CSMD1: variants seen among roughly 807,000 people sequenced by gnomAD.
The protein encoded by CSMD1 is CUB and sushi domain-containing protein 1.
A neutral mutation model predicts 417.5 loss-of-function variants in CSMD1; 213 were observed. The observed-to-expected ratio is 0.51, with a 90% CI of 0.46 to 0.57. CSMD1 has a LOEUF of 0.57. Ranked by LOEUF, CSMD1 falls within the 20% of genes least tolerant of loss-of-function variation. The pLI, the probability that CSMD1 is intolerant of heterozygous loss-of-function variation, is 0.00. For missense variants in CSMD1, 6,923 were observed against 4,529.7 expected (o/e 1.53, Z -15.17); for synonymous variants, 2,862 against 1,736.8 (o/e 1.65, Z -16.11).
chr8:3,522,260 A>G (rs1333812356), intron 10 of CSMD1, among the ~76,000 whole-genome samples: 1 of 152,226 alleles, frequency 6.6e-6, no homozygotes, highest in Non-Finnish European at 1.5e-5. Flanking sequence ...GAAAACAATA[A>G]TTTCCATTAA....
intron 10 of CSMD1, among the ~76,000 whole-genome samples, chr8:3,527,661 C>T (rs1180469578): frequency 2.0e-5 from 3 of 152,120 alleles, no homozygotes; most frequent in Admixed American, 2.0e-4. Context: ...CAGCTCATCC[C>T]CTTGCCAATT....
chr8:4,390,538 G>A (rs561793086), intron 3 of CSMD1, among the ~76,000 whole-genome samples: 6 of 16,658 alleles, frequency 3.6e-4, no homozygotes, highest in Admixed American at 2.8e-3. Context: ...TTTTGAGATG[G>A]AGTCTTGCTC....
intron 3 of CSMD1, among the ~76,000 whole-genome samples, chr8:4,408,385 C>T (rs1162438847): frequency 6.6e-6 from 1 of 152,214 alleles, no homozygotes; most frequent in Non-Finnish European, 1.5e-5. Flanking sequence ...AAAAAAGAGG[C>T]ATTTTACCCT....
intron 26 of CSMD1, among the ~76,000 whole-genome samples, chr8:3,275,334 CA>C (rs752753351): frequency 5.3e-5 from 8 of 152,044 alleles, no homozygotes; most frequent in Non-Finnish European, 7.4e-5. Flanking sequence ...GAGGGTAACC[CA>C]ACCTTTCTCT....
rs74827940 is a variant in CSMD1 at position 4,393,732 on chromosome 8, T to C, written c.415+26221A>G. On this transcript the variant is annotated intron_variant, in intron 3 of 69. Coordinates refer to ENST00000635120, the MANE Select transcript of CSMD1 (RefSeq NM_033225.6). Reference sequence around the variant, plus strand: ...AGGAGCAGACCTTGAAAATCTCTGATCCATTTGCCTTCAGACATTCATTGC... The same window carrying C: ...AGGAGCAGACCTTGAAAATCTCTGACCCATTTGCCTTCAGACATTCATTGC... Among the ~76,000 whole-genome samples, 334 of 152,298 alleles carry C rather than the reference T, an allele frequency of 2.2e-3. 2 individuals are homozygous for C. Among genetic ancestry groups the C allele is most frequent in the African/African-American group, 7.7e-3 (322 of 41,566 alleles).
intron 26 of CSMD1, among the ~76,000 whole-genome samples, chr8:3,263,437 T>A (rs1801221665): frequency 6.6e-6 from 1 of 152,194 alleles, no homozygotes; most frequent in Non-Finnish European, 1.5e-5. Context: ...CTAATTCCCC[T>A]ATGTATATAT....
chr8:4,725,645 T>G (rs928997387), intron 1 of CSMD1, among the ~76,000 whole-genome samples: 1 of 152,192 alleles, frequency 6.6e-6, no homozygotes, highest in African/African-American at 2.4e-5. Context: ...CAGCTCATCC[T>G]TTCAGAATCT....
At chr8:3,449,049 G>C (rs544591472) in intron 12 of CSMD1, among the ~76,000 whole-genome samples, 41 of 152,280 alleles carry the variant, frequency 2.7e-4, no homozygotes, top group African/African-American at 9.9e-4. Context: ...CAAAGGAAAT[G>C]GGAAAGGATC....
At chr8:4,597,420 A>G (rs1156924893) in intron 2 of CSMD1, among the ~76,000 whole-genome samples, 1 of 152,176 alleles carries the variant, frequency 6.6e-6, no homozygotes, top group Non-Finnish European at 1.5e-5. Flanking sequence ...CCCCAAATGT[A>G]AATTCACCCC....
At chr8:4,093,873 T>A (rs1256947192) in intron 3 of CSMD1, among the ~76,000 whole-genome samples, 1 of 151,970 alleles carries the variant, frequency 6.6e-6, no homozygotes, top group Non-Finnish European at 1.5e-5. Flanking sequence ...GGCAGGAGAA[T>A]CACTTGAACG....
chr8:4,574,963 A>G (rs1296882506), intron 2 of CSMD1, among the ~76,000 whole-genome samples: 2 of 152,226 alleles, frequency 1.3e-5, no homozygotes, highest in African/African-American at 4.8e-5. Context: ...AATGACCTCT[A>G]TGAAATTCAG....
chr8:2,941,435 GATC>G (rs1369269039), intron 69 of CSMD1, among the ~76,000 whole-genome samples: 1 of 152,158 alleles, frequency 6.6e-6, no homozygotes, highest in Non-Finnish European at 1.5e-5. Flanking sequence ...TATTTCAGGG[GATC>G]ATAATTTATT....
chr8:4,845,522 G>T (rs778121599), intron 1 of CSMD1, among the ~76,000 whole-genome samples: 2 of 152,192 alleles, frequency 1.3e-5, no homozygotes, highest in African/African-American at 2.4e-5. Context: ...CCTCAACTAC[G>T]TATTTTGGCC....
intron 25 of CSMD1, among the ~76,000 whole-genome samples, chr8:3,294,675 GC>G (rs894690562): frequency 6.6e-6 from 1 of 152,198 alleles, no homozygotes; most frequent in African/African-American, 2.4e-5. Context: ...GGAAAAGCAA[GC>G]CCAGTATTAG....
chr8:3,371,306 C>G (rs34490722), intron 18 of CSMD1, among the ~76,000 whole-genome samples: 30,963 of 152,132 alleles, frequency 0.2, 3,655 homozygotes, highest in South Asian at 0.33. Context: ...AAGTTCTCTA[C>G]CGCTCTGTGC....
In CSMD1 at chr8:4,001,628, G is replaced by A. The variant is rs549605831; in HGVS notation, c.611-3518C>T. Among the ~76,000 whole-genome samples the A allele has an allele frequency of 3.3e-5, 5 of 152,158 alleles. No homozygotes were observed. In the South Asian group the frequency reaches 6.2e-4, roughly 19 times the overall value. ...TGTTATGCCCCTGTCTAATATTTGA[G>A]TCCCCTGAGTCTAAGATCTTAGACA... On this transcript the variant is annotated intron_variant, in intron 4 of 69. Transcript: ENST00000635120.
chr8:3,414,033 G>A (rs1438687479), intron 12 of CSMD1, among the ~76,000 whole-genome samples: 1 of 151,356 alleles, frequency 6.6e-6, no homozygotes, highest in African/African-American at 2.4e-5. Flanking sequence ...CAACTACTGG[G>A]GAGGCTGAAG....
At chr8:3,371,584 C>T (rs2116716887) in intron 18 of CSMD1, among the ~76,000 whole-genome samples, 1 of 151,860 alleles carries the variant, frequency 6.6e-6, no homozygotes, top group Non-Finnish European at 1.5e-5. Flanking sequence ...CTCAGAATAA[C>T]TTCTTCCAAT....
chr8:3,168,297 A>T (rs1010092425), intron 37 of CSMD1, among the ~76,000 whole-genome samples: 6 of 152,162 alleles, frequency 3.9e-5, no homozygotes, highest in Non-Finnish European at 5.9e-5. Flanking sequence ...TGTTGGCTGT[A>T]GTGTTTATTG....
Sources: gnomAD v4.1 joint callset for allele counts (sites outside exome capture counted in the v4.1 genomes callset) on GRCh38, gnomAD v4.1.1 for gene constraint, MANE v1.5 for transcripts, NCBI Gene and HGNC (gene_info 2026-07-23, HGNC 2026-07-21) for gene names.